Variants in C6orf163 observed in about 807,000 individuals in gnomAD.
C6orf163 encodes the protein chromosome 6 open reading frame 163.
A neutral mutation model predicts 28.4 loss-of-function variants in C6orf163; 22 were observed. That is an observed-to-expected ratio of 0.78 (90% CI 0.55 to 1.11). C6orf163 has a LOEUF of 1.11. Ranked by LOEUF, C6orf163 falls within the 50% of genes least tolerant of loss-of-function variation. The probability of loss-of-function intolerance (pLI) is 0.00; values close to 1 mark genes in which losing one functional copy is unlikely to be tolerated. For missense variants in C6orf163, 342 were observed against 389.1 expected (o/e 0.88, Z 1.02); for synonymous variants, 110 against 123.6 (o/e 0.89, Z 0.73).
chr6:87,359,523 C>A (rs1236622405), intron 4 of C6orf163, among the ~76,000 whole-genome samples: 2 of 152,186 alleles, frequency 1.3e-5, no homozygotes, highest in African/African-American at 4.8e-5. Context: ...CTGGTAAACA[C>A]AGTGGTTGTA....
chr6:87,349,542 A>G (rs1015038256), intron 2 of C6orf163, among the ~76,000 whole-genome samples: 1 of 152,196 alleles, frequency 6.6e-6, no homozygotes, highest in East Asian at 1.9e-4. Context: ...ACTTCTTCCA[A>G]TCATAGAATG....
chr6:87,345,354 T>G, intron 1 of C6orf163, 107 bp downstream of exon 1: 1 of 1,119,166 alleles, frequency 8.9e-7, no homozygotes, highest in South Asian at 1.9e-5. Flanking sequence ...GAGTTGCTTG[T>G]CCCTACAGGG....
chr6:87,364,671 A>G (rs1267180360), intron 4 of C6orf163, among the ~76,000 whole-genome samples: 9 of 152,312 alleles, frequency 5.9e-5, no homozygotes, highest in Admixed American at 4.6e-4. Context: ...AGCACAATGC[A>G]TGTATATTTT....
At chr6:87,355,893 G>A (rs1777493790) in intron 3 of C6orf163, among the ~76,000 whole-genome samples, 1 of 152,128 alleles carries the variant, frequency 6.6e-6, no homozygotes, top group Admixed American at 6.5e-5. Context: ...TCCTACCCAG[G>A]AGACACGAGG....
chr6:87,349,866 A>G (rs1015374345), intron 2 of C6orf163, among the ~76,000 whole-genome samples: 11 of 152,200 alleles, frequency 7.2e-5, no homozygotes, highest in African/African-American at 2.4e-4. Context: ...ATACAAGGTG[A>G]TGCGTTTGTA....
At chr6:87,356,551 T>C in intron 4 of C6orf163, 48 bp downstream of exon 4, 1 of 1,519,136 alleles carries the variant, frequency 6.6e-7, no homozygotes, top group Non-Finnish European at 8.9e-7. Flanking sequence ...TTTATCAAAA[T>C]CAACCTGGAG....
At chr6:87,355,288 C>T (rs532367651) in intron 3 of C6orf163, among the ~76,000 whole-genome samples, 23 of 152,258 alleles carry the variant, frequency 1.5e-4, no homozygotes, top group African/African-American at 4.6e-4. Flanking sequence ...GGGCTGGGCA[C>T]GGTGGCTCAT....
rs1446894201 is a variant in C6orf163 at position 87,348,824 on chromosome 6, A to G, written c.161A>G (p.Asn54Ser). 6.5e-7 allele frequency: 1 copy of G among 1,537,442 alleles called. No homozygotes were observed. Among genetic ancestry groups the G allele is most frequent in the Non-Finnish European group, 8.7e-7 (1 of 1,146,920 alleles). ...TTCAAATACACAGATATTGGGGCAAATATTCTGAAAAAAGAAGAGCAGTTT... is the reference window on the plus strand; with the variant it reads ...TTCAAATACACAGATATTGGGGCAAGTATTCTGAAAAAAGAAGAGCAGTTT... Reference protein sequence around the residue: ...THKDILDIGANILKKEEQFQE... With the variant: ...THKDILDIGASILKKEEQFQE... Residue 54 changes from asparagine to serine, a missense_variant, in exon 2 of 5, where the codon AAT becomes AGT. Coordinates refer to ENST00000388923, the MANE Select transcript of C6orf163 (RefSeq NM_001010868.3).
At chr6:87,354,059 C>T (rs1460087064) in intron 3 of C6orf163, among the ~76,000 whole-genome samples, 1 of 152,092 alleles carries the variant, frequency 6.6e-6, no homozygotes, top group East Asian at 1.9e-4. Flanking sequence ...CCATGTTGGC[C>T]TGGCAGCCAG....
At chr6:87,347,151 A>G (rs1274472486) in intron 1 of C6orf163, among the ~76,000 whole-genome samples, 2 of 152,200 alleles carry the variant, frequency 1.3e-5, no homozygotes, top group Non-Finnish European at 2.9e-5. Context: ...TGAACCCCTG[A>G]CAACCACTAA....
In C6orf163 at chr6:87,351,703, C is replaced by T. The variant is rs193037357; in HGVS notation, c.351+1202C>T. Among the ~76,000 whole-genome samples the T allele has an allele frequency of 1.4e-4, 21 of 152,378 alleles. No individual in the cohort carries two copies. The East Asian group carries it at 4.0e-3, about 29-fold the overall frequency. Reference sequence around the variant, plus strand: ...TGGCAATTAAAGTATTAAAGTACTTCTCTATCAGTTGATAAATAGTTACCC... The same window carrying T: ...TGGCAATTAAAGTATTAAAGTACTTTTCTATCAGTTGATAAATAGTTACCC... On this transcript the variant is annotated intron_variant, in intron 3 of 4. Transcript: ENST00000388923.
Position 87,364,944 on chromosome 6 carries a change from CA to C in C6orf163, c.555-16del, listed in dbSNP as rs1275131768. ...GGCCAATCCATCTAAATTATAAATC[CA>C]TATTATCTTTTGTAGCAAAGCCGTG... On this transcript the variant is annotated splice_polypyrimidine_tract_variant and intron_variant, in intron 4 of 4. Transcript: ENST00000388923. 1 of 1,502,846 alleles carries C rather than the reference CA, an allele frequency of 6.7e-7. No homozygotes were observed. The highest frequency in any genetic ancestry group is 8.9e-7 in the Non-Finnish European group (1 of 1,119,164). 93.1% of individuals were successfully genotyped at this position (1,502,846 alleles called of 1,614,324 possible). A position where few individuals can be genotyped will look rare whatever the true frequency, so the allele number is the denominator to read the frequency against.
chr6:87,363,125 G>A (rs958592853), intron 4 of C6orf163, among the ~76,000 whole-genome samples: 1 of 152,140 alleles, frequency 6.6e-6, no homozygotes, highest in African/African-American at 2.4e-5. Context: ...TTGAATTAAT[G>A]TATGCATAGA....
At chr6:87,354,856 T>C (rs1246116515) in intron 3 of C6orf163, among the ~76,000 whole-genome samples, 1 of 152,232 alleles carries the variant, frequency 6.6e-6, no homozygotes, top group African/African-American at 2.4e-5. Context: ...GTTTCCCTTA[T>C]AATTTAGAGT....
At chr6:87,351,658 A>G (rs1238479190) in intron 3 of C6orf163, among the ~76,000 whole-genome samples, 2 of 152,232 alleles carry the variant, frequency 1.3e-5, no homozygotes, top group Admixed American at 1.3e-4. Flanking sequence ...TTCAGCTGCT[A>G]TGTACAAGTA....
intron 1 of C6orf163, among the ~76,000 whole-genome samples, chr6:87,347,024 T>C (rs1777335357): frequency 6.6e-6 from 1 of 152,150 alleles, no homozygotes; most frequent in Non-Finnish European, 1.5e-5. Context: ...TTTTATGAAA[T>C]TTATCATGTG....
At chr6:87,348,171 C>T (rs1582103976) in intron 1 of C6orf163, 1 of 981,308 alleles carries the variant, frequency 1.0e-6, no homozygotes, top group Non-Finnish European at 1.2e-6. Context: ...AAAGAGAAAT[C>T]CCAGTGGAAA....
Position 87,356,581 on chromosome 6 carries a change from A to G in C6orf163, c.554+78A>G, listed in dbSNP as rs1183155517. The G allele has an allele frequency of 9.2e-6, 12 of 1,310,390 alleles. No individual in the cohort carries two copies. In the Admixed American group the frequency reaches 2.2e-4, roughly 24 times the overall value. The allele number at this position is 1,310,390 out of a possible 1,614,324, so 81.2% of individuals were successfully genotyped here. A position where few individuals can be genotyped will look rare whatever the true frequency, so the allele number is the denominator to read the frequency against. On this transcript the variant is annotated intron_variant, in intron 4 of 4. Transcript: ENST00000388923. ...CTGGAGAAACAGATAAGGTTACAGT[A>G]CATAGGTAGATATTGCCCAGTTTTT...
At chr6:87,354,720 A>G (rs555336102) in intron 3 of C6orf163, among the ~76,000 whole-genome samples, 1 of 152,314 alleles carries the variant, frequency 6.6e-6, no homozygotes, top group Non-Finnish European at 1.5e-5. Context: ...TCATTTTTTA[A>G]CTTTTCACCC....
Sources: allele counts gnomAD v4.1 joint callset (sites outside exome capture counted in the v4.1 genomes callset), GRCh38; gene constraint gnomAD v4.1.1; transcripts MANE v1.5; gene names NCBI Gene and HGNC (gene_info 2026-07-23, HGNC 2026-07-21).